PECAM1: variants seen among roughly 807,000 people sequenced by gnomAD.
PECAM1 encodes the protein platelet and endothelial cell adhesion molecule 1.
Under a neutral mutation model 13.8 loss-of-function variants are expected in PECAM1, and 8 were observed. That is an observed-to-expected ratio of 0.58 (90% CI 0.34 to 1.05). PECAM1 has a LOEUF of 1.05. PECAM1 is among the 50% of genes least tolerant of loss of function. The pLI is 0.03. For synonymous variants in PECAM1, 136 were observed against 52.6 expected, an observed-to-expected ratio of 2.58 and a Z score of -6.86; for missense variants, 304 against 141.2, an observed-to-expected ratio of 2.15 and a Z score of -5.84.
chr17:64,384,125 C>G (rs1462348262), intron 2 of PECAM1, among the ~76,000 whole-genome samples: 2 of 152,042 alleles, frequency 1.3e-5, no homozygotes, highest in Non-Finnish European at 2.9e-5. Flanking sequence ...AGCAAAAACT[C>G]CATCTCAGAA....
rs1051117850 is a variant in PECAM1 at position 64,322,777 on chromosome 17, G to A, written c.*1039C>T. On this transcript the variant is annotated 3_prime_UTR_variant, in exon 16 of 16. Coordinates refer to ENST00000563924, the MANE Select transcript of PECAM1 (RefSeq NM_000442.5). ...GTCACTCAGGCTGGAGTGCAGTGGC[G>A]CGATCTCCGCTCACTACAACCTCCG... is the stretch of plus-strand genomic sequence containing the variant. 4.1e-6 allele frequency: 3 copies of A among 724,386 alleles called. No homozygotes were observed. The highest frequency in any genetic ancestry group is 1.9e-5 in the African/African-American group (1 of 52,420). 44.9% of individuals were successfully genotyped at this position (724,386 alleles called of 1,614,324 possible).
chr17:64,366,763 G>A (rs1317295981), intron 5 of PECAM1, among the ~76,000 whole-genome samples: 27 of 139,608 alleles, frequency 1.9e-4, no homozygotes, highest in African/African-American at 7.3e-4. Flanking sequence ...TCATAGGTGG[G>A]AATTGAACAA....
chr17:64,375,632 C>T (rs969593956), intron 3 of PECAM1, among the ~76,000 whole-genome samples: 1 of 151,260 alleles, frequency 6.6e-6, no homozygotes, highest in Non-Finnish European at 1.5e-5. Flanking sequence ...CCAGCCTGGG[C>T]AACACGGTGA....
chr17:64,354,954 A>C lies in PECAM1; in HGVS notation c.1867T>G (p.Tyr623Asp). ...TCACCCTTGGCTTTCCTCAGAAAAT[A>C]ACATTTGGCCGCAATGATCAAGAGA... ...IALLIIAAKCYFLRKAKAKQM... is the reference protein window; with the variant it reads ...IALLIIAAKCDFLRKAKAKQM... The change falls in exon 9 of 16, where the codon TAT (tyrosine) becomes GAT (aspartate). Residue 623 changes from tyrosine to aspartate, a missense_variant. Transcript: ENST00000563924. 1 of 475,404 alleles carries C rather than the reference A, an allele frequency of 2.1e-6. No homozygotes were observed. Among genetic ancestry groups the C allele is most frequent in the Non-Finnish European group, 3.9e-6 (1 of 259,054 alleles). 29.4% of individuals were successfully genotyped at this position (475,404 alleles called of 1,614,324 possible).
chr17:64,371,600 G>A (rs1410722754), intron 4 of PECAM1, among the ~76,000 whole-genome samples: 6 of 152,194 alleles, frequency 3.9e-5, no homozygotes, highest in Non-Finnish European at 7.3e-5. Flanking sequence ...GAGAGGCCAA[G>A]GTGGGTGGAT....
At chr17:64,338,705 A>C (rs1281777159) in intron 14 of PECAM1, among the ~76,000 whole-genome samples, 2 of 152,136 alleles carry the variant, frequency 1.3e-5, no homozygotes, top group South Asian at 2.1e-4. Flanking sequence ...TTACAGGTAC[A>C]TGCCACCATG....
chr17:64,362,837 CA>C (rs1196660765), intron 6 of PECAM1, among the ~76,000 whole-genome samples: 132 of 143,394 alleles, frequency 9.2e-4, no homozygotes, highest in African/African-American at 1.5e-3. Context: ...CGACACGTCT[CA>C]AAAAAAAAAA....
chr17:64,360,399 G>A lies in PECAM1; in HGVS notation c.1233C>T (p.Pro411=). The A allele has an allele frequency of 2.1e-6, 1 of 475,272 alleles. No homozygotes were observed. 29.4% of individuals were successfully genotyped at this position (475,272 alleles called of 1,614,324 possible). A position where few individuals can be genotyped will look rare whatever the true frequency, so the allele number is the denominator to read the frequency against. ...CAAACTGGGCATCATAAGAAATCCTGGGCTGGGAGAGCATTTCTAGAACAG... is the reference window on the plus strand; with the variant it reads ...CAAACTGGGCATCATAAGAAATCCTAGGCTGGGAGAGCATTTCTAGAACAG... ...QIVVCEMLSQ[P]RISYDAQFEV... is the part of the protein sequence containing the mutation. Residue 411 remains proline, a synonymous_variant, in exon 7 of 16, where the codon CCC becomes CCT. Transcript: ENST00000563924.
chr17:64,390,479 T>A lies in PECAM1; in HGVS notation c.91+10A>T. On this transcript the variant is annotated intron_variant, in intron 2 of 15. Transcript: ENST00000563924. ...AGAAACATCTGTTACAGTGGAAACA[T>A]CAGACTTACAGTTTTCTTGACCCTC... is the stretch of plus-strand genomic sequence containing the variant. The A allele has an allele frequency of 4.2e-6, 2 of 473,554 alleles. No homozygotes were observed. The highest frequency in any genetic ancestry group is 7.7e-6 in the Non-Finnish European group (2 of 258,152). 29.3% of individuals were successfully genotyped at this position (473,554 alleles called of 1,614,324 possible). A position where few individuals can be genotyped will look rare whatever the true frequency, so the allele number is the denominator to read the frequency against.
chr17:64,350,440 G>A lies in PECAM1; in HGVS notation c.1991-7C>T, dbSNP rs2035692279. ...CTGACATCGTCATTGTGACCTAGTT[G>A]AAAAATAACAATTAGGGTGAGTGAC... On this transcript the variant is annotated splice_polypyrimidine_tract_variant and splice_region_variant and intron_variant, in intron 11 of 15. Coordinates refer to ENST00000563924, the MANE Select transcript of PECAM1 (RefSeq NM_000442.5). The A allele has an allele frequency of 4.7e-6, 2 of 429,278 alleles. No individual in the cohort carries two copies. The highest frequency in any genetic ancestry group is 4.1e-5 in the African/African-American group (2 of 49,382). 26.6% of individuals were successfully genotyped at this position (429,278 alleles called of 1,614,324 possible). A position where few individuals can be genotyped will look rare whatever the true frequency, so the allele number is the denominator to read the frequency against.
chr17:64,376,347 A>C, intron 3 of PECAM1, among the ~76,000 whole-genome samples: 1 of 151,638 alleles, frequency 6.6e-6, no homozygotes, highest in Admixed American at 6.6e-5. Context: ...TAAATTTAAA[A>C]AATAAAATAT....
chr17:64,322,319 G>C lies in PECAM1; in HGVS notation c.*1497C>G, dbSNP rs1555644568. 2 of 658,066 alleles carry C rather than the reference G, an allele frequency of 3.0e-6. No individual in the cohort carries two copies. Among genetic ancestry groups the C allele is most frequent in the Non-Finnish European group, 3.8e-6 (2 of 529,708 alleles). The allele number at this position is 658,066 out of a possible 1,614,324, so 40.8% of individuals were successfully genotyped here. On this transcript the variant is annotated 3_prime_UTR_variant, in exon 16 of 16. Coordinates refer to ENST00000563924, the MANE Select transcript of PECAM1 (RefSeq NM_000442.5). ...GAGAACTGCTTGAACCCAGGAGGCG[G>C]AGGTTGCAGTGAGCAGAGGTTGCGC... is the stretch of plus-strand genomic sequence containing the variant.
rs1290671032 is a variant in PECAM1 at position 64,347,535 on chromosome 17, G to GA, written c.2107+724dup. Among the ~76,000 whole-genome samples the GA allele has an allele frequency of 9.2e-3, 544 of 58,998 alleles. 1 individual carries two copies. The highest frequency in any genetic ancestry group is 0.021 in the East Asian group (53 of 2,510). The allele number at this position is 58,998 out of a possible 152,430, so 38.7% of individuals were successfully genotyped here. On this transcript the variant is annotated intron_variant, in intron 13 of 15. Coordinates refer to ENST00000563924, the MANE Select transcript of PECAM1 (RefSeq NM_000442.5). ...CAGAGTGAGACTCCGTCTCAACAAAGAAAAAAAAAATATATATATATATAT... is the reference window on the plus strand; with the variant it reads ...CAGAGTGAGACTCCGTCTCAACAAAGAAAAAAAAAAATATATATATATATAT...
In PECAM1 at chr17:64,360,592, G is replaced by A. The variant is rs1459457660; in HGVS notation, c.1217-177C>T. On this transcript the variant is annotated intron_variant, in intron 6 of 15. Coordinates refer to ENST00000563924, the MANE Select transcript of PECAM1 (RefSeq NM_000442.5). ...TATGAGACTGACAGGCTGTGTGTGTGTGTGTGTGTGTGTGTGTGTGTGTGT... is the reference window on the plus strand; with the variant it reads ...TATGAGACTGACAGGCTGTGTGTGTATGTGTGTGTGTGTGTGTGTGTGTGT... Among the ~76,000 whole-genome samples the A allele has an allele frequency of 2.0e-5, 3 of 150,702 alleles. No homozygotes were observed. In the South Asian group the frequency reaches 6.3e-4, roughly 32 times the overall value.
chr17:64,379,700 A>T (rs1471480923), intron 2 of PECAM1, among the ~76,000 whole-genome samples: 3 of 152,198 alleles, frequency 2.0e-5, no homozygotes, highest in Non-Finnish European at 2.9e-5. Flanking sequence ...AACAACTTCA[A>T]ACATCTCATG....
chr17:64,357,386 G>A (rs2035869994), intron 7 of PECAM1, among the ~76,000 whole-genome samples: 2 of 151,058 alleles, frequency 1.3e-5, no homozygotes, highest in Admixed American at 1.3e-4. Context: ...TGGAAGCCCA[G>A]CCAGCCTCAC....
chr17:64,371,202 A>C (rs2036229882), intron 4 of PECAM1, among the ~76,000 whole-genome samples: 1 of 152,216 alleles, frequency 6.6e-6, no homozygotes, highest in Non-Finnish European at 1.5e-5. Flanking sequence ...CTTGACATGC[A>C]GAAGACCTTT....
At chr17:64,329,591 T>A (rs1598274911) in intron 15 of PECAM1, 109 bp downstream of exon 15, 2 of 702,440 alleles carry the variant, frequency 2.8e-6, no homozygotes, top group South Asian at 3.0e-5. Context: ...TGAAACAGAC[T>A]AGGGAGCGGG....
intron 5 of PECAM1, among the ~76,000 whole-genome samples, chr17:64,364,795 T>C (rs2036065454): frequency 1.3e-5 from 2 of 151,796 alleles, no homozygotes; most frequent in South Asian, 4.2e-4. Context: ...AAACTCTCAA[T>C]AAATTAGGTA....
Sources: allele counts gnomAD v4.1 joint callset (sites outside exome capture counted in the v4.1 genomes callset), GRCh38; gene constraint gnomAD v4.1.1; transcripts MANE v1.5; gene names NCBI Gene and HGNC (gene_info 2026-07-23, HGNC 2026-07-21).